The following FMN2 variants were observed in gnomAD, a reference collection of about 807,000 sequenced individuals.
FMN2 encodes the protein formin 2.
A neutral mutation model predicts 142.3 loss-of-function variants in FMN2; 51 were observed. The ratio of observed to expected loss-of-function variants is 0.36; its 90% CI spans 0.29 to 0.45. The LOEUF (loss-of-function observed/expected upper bound fraction) is 0.45, where lower values mean the gene tolerates loss of function less well. Among genes scored for constraint, FMN2 ranks in the 20% least tolerant of loss-of-function variants. FMN2 has a pLI of 1.00. For missense variants in FMN2, 1,936 were observed against 2,122.8 expected (o/e 0.91, Z 1.73); for synonymous variants, 882 against 869.8 (o/e 1.01, Z -0.25).
At chr1:240,135,551 T>C (rs981726009) in intron 2 of FMN2, among the ~76,000 whole-genome samples, 2 of 152,206 alleles carry the variant, frequency 1.3e-5, no homozygotes, top group Non-Finnish European at 2.9e-5. Context: ...ATTGATTGTA[T>C]AGTGAGTTAA....
intron 13 of FMN2, chr1:240,341,385 G>A (rs1449304894): frequency 6.6e-6 from 1 of 152,044 alleles, no homozygotes; most frequent in Non-Finnish European, 1.5e-5. Context: ...TTAGAATGAT[G>A]ATTTTTATAA....
intron 7 of FMN2, among the ~76,000 whole-genome samples, chr1:240,290,774 T>G (rs1408571204): frequency 6.8e-6 from 1 of 146,134 alleles, no homozygotes. Context: ...GATGTCTGTT[T>G]GTTTGGTTTT....
chr1:240,421,341 CA>C (rs1216856333), intron 15 of FMN2, among the ~76,000 whole-genome samples: 1 of 152,058 alleles, frequency 6.6e-6, no homozygotes, highest in Non-Finnish European at 1.5e-5. Flanking sequence ...TTTAAATTAA[CA>C]ATATTTATTT....
intron 3 of FMN2, among the ~76,000 whole-genome samples, chr1:240,181,364 G>T (rs1394824428): frequency 2.0e-5 from 3 of 152,136 alleles, no homozygotes; most frequent in Non-Finnish European, 4.4e-5. Flanking sequence ...CAGATTTGTG[G>T]TACTCTGTCT....
At chr1:240,242,321 T>C (rs1429253195) in intron 6 of FMN2, among the ~76,000 whole-genome samples, 1 of 152,238 alleles carries the variant, frequency 6.6e-6, no homozygotes, top group Admixed American at 6.5e-5. Flanking sequence ...TCGAGGGAGA[T>C]ATTGTTATCA....
At chr1:240,454,940 A>G (rs1197792256) in intron 16 of FMN2, among the ~76,000 whole-genome samples, 2 of 152,164 alleles carry the variant, frequency 1.3e-5, no homozygotes, top group African/African-American at 4.8e-5. Context: ...GAAATGACAC[A>G]ACCATTCAAG....
intron 3 of FMN2, among the ~76,000 whole-genome samples, chr1:240,178,430 C>T (rs528849646): frequency 9.3e-5 from 14 of 149,912 alleles, no homozygotes; most frequent in African/African-American, 3.5e-4. Context: ...CTTTTTTCCC[C>T]CCTTCTTCTT....
rs752710628 is a variant in FMN2, at chr1:240,178,086, C to T, written c.1930+18C>T. The stretch of plus-strand genomic sequence containing the variant: ...TGAAACAGGTAACCCTTTCCTTTGT[C>T]TTCAGAGATAACTGGAAGAGGCAAG... On this transcript the variant is annotated intron_variant, in intron 3 of 17. Coordinates refer to ENST00000319653, the MANE Select transcript of FMN2 (RefSeq NM_020066.5). 1 of 1,554,750 alleles carries T rather than the reference C, an allele frequency of 6.4e-7. No homozygotes were observed. The highest frequency in any genetic ancestry group is 8.6e-7 in the Non-Finnish European group (1 of 1,156,910).
At chr1:240,434,536 GTTTTGTT>G (rs1159850720) in intron 15 of FMN2, among the ~76,000 whole-genome samples, 10 of 143,234 alleles carry the variant, frequency 7.0e-5, no homozygotes, top group Middle Eastern at 3.5e-3. Flanking sequence ...GTTTTTTTTT[GTTTTGTT>G]TTTTGTTTTT....
At chr1:240,249,731 T>A (rs1668214993) in intron 6 of FMN2, among the ~76,000 whole-genome samples, 1 of 152,262 alleles carries the variant, frequency 6.6e-6, no homozygotes, top group South Asian at 2.1e-4. Context: ...TTCCTGTCCA[T>A]GAGCATGGAA....
At chr1:240,211,880 A>T (rs1666703276) in intron 6 of FMN2, among the ~76,000 whole-genome samples, 1 of 152,146 alleles carries the variant, frequency 6.6e-6, no homozygotes, top group East Asian at 1.9e-4. Flanking sequence ...TCATAAAGGG[A>T]TATTGTTATA....
chr1:240,315,955 G>A (rs925665263), intron 8 of FMN2, among the ~76,000 whole-genome samples: 1 of 152,094 alleles, frequency 6.6e-6, no homozygotes, highest in Non-Finnish European at 1.5e-5. Context: ...CACACAAAAG[G>A]CCATTTCATG....
At chr1:240,139,539 GA>G (rs919921820) in intron 2 of FMN2, among the ~76,000 whole-genome samples, 2 of 151,958 alleles carry the variant, frequency 1.3e-5, no homozygotes, top group African/African-American at 2.4e-5. Context: ...CCAATAAGGG[GA>G]AAAAAGCTAC....
intron 4 of FMN2, among the ~76,000 whole-genome samples, chr1:240,206,056 C>T (rs565372426): frequency 5.9e-5 from 9 of 152,122 alleles, no homozygotes; most frequent in African/African-American, 1.9e-4. Flanking sequence ...GCGTGTGCCA[C>T]CGTGCTCAGC....
rs77418541 is a variant in FMN2, at chr1:240,287,802, C to T, written c.4154-7020C>T. On this transcript the variant is annotated intron_variant, in intron 7 of 17. Transcript: ENST00000319653. ...TTGACTTTTATTATTTAATCTCCTG[C>T]AAGAACTCTGTAGGGCAGGTCCTCT... is the stretch of plus-strand genomic sequence containing the variant. 4.7e-3 allele frequency among the ~76,000 whole-genome samples: 710 copies of T among 152,250 alleles called. 5 individuals carry two copies. The highest frequency in any genetic ancestry group is 0.017 in the African/African-American group (686 of 41,546).
At chr1:240,401,591 T>A (rs1408432351) in intron 15 of FMN2, among the ~76,000 whole-genome samples, 1 of 152,224 alleles carries the variant, frequency 6.6e-6, no homozygotes, top group Non-Finnish European at 1.5e-5. Flanking sequence ...ACTGACAAAT[T>A]GGTGACAAAT....
chr1:240,411,632 T>G (rs915921863), intron 15 of FMN2, among the ~76,000 whole-genome samples: 1 of 95,274 alleles, frequency 1.0e-5, no homozygotes, highest in Non-Finnish European at 2.5e-5. Flanking sequence ...GATCTGTTGT[T>G]TTTTTTTTTT....
At chr1:240,398,304 G>A (rs1403692077) in intron 15 of FMN2, among the ~76,000 whole-genome samples, 3 of 152,066 alleles carry the variant, frequency 2.0e-5, no homozygotes, top group African/African-American at 7.2e-5. Flanking sequence ...GTGCCTGGCC[G>A]GCGACATCTT....
intron 16 of FMN2, among the ~76,000 whole-genome samples, chr1:240,447,447 A>G (rs1675864455): frequency 6.6e-6 from 1 of 152,220 alleles, no homozygotes; most frequent in East Asian, 1.9e-4. Flanking sequence ...AAGATATTCC[A>G]CATTGTTAGT....
Sources: gnomAD v4.1 joint callset for allele counts (sites outside exome capture counted in the v4.1 genomes callset) on GRCh38, gnomAD v4.1.1 for gene constraint, MANE v1.5 for transcripts, NCBI Gene and HGNC (gene_info 2026-07-23, HGNC 2026-07-21) for gene names.